The following CLASP2 variants were observed in gnomAD, a reference collection of about 807,000 sequenced individuals.
The protein encoded by CLASP2 is CLIP-associating protein 2.
CLASP2 carries 47 observed loss-of-function variants against 194.4 expected under a neutral mutation model. The observed-to-expected ratio is 0.24, with a 90% confidence interval of 0.19 to 0.31. The LOEUF (loss-of-function observed/expected upper bound fraction) is 0.31, where lower values mean the gene tolerates loss of function less well. Ranked by LOEUF, CLASP2 falls within the 10% of genes least tolerant of loss-of-function variation. The probability of loss-of-function intolerance (pLI) is 1.00; values close to 1 mark genes in which losing one functional copy is unlikely to be tolerated. For missense variants in CLASP2, 1,445 were observed against 1,823.6 expected (o/e 0.79, Z 3.78); for synonymous variants, 619 against 633.5 (o/e 0.98, Z 0.34).
intron 7 of CLASP2, among the ~76,000 whole-genome samples, chr3:33,658,101 A>G (rs1375781900): frequency 1.3e-5 from 2 of 152,198 alleles, no homozygotes; most frequent in Non-Finnish European, 2.9e-5. Context: ...GTAATGAAAA[A>G]AGAAAAAAAG....
At chr3:33,642,912 G>A (rs1436914192) in intron 8 of CLASP2, among the ~76,000 whole-genome samples, 1 of 151,726 alleles carries the variant, frequency 6.6e-6, no homozygotes, top group Non-Finnish European at 1.5e-5. Context: ...GGAGGAGGAA[G>A]AGGAAGAGAA....
At chr3:33,521,559 A>C (rs979189749) in intron 34 of CLASP2, among the ~76,000 whole-genome samples, 2 of 152,242 alleles carry the variant, frequency 1.3e-5, no homozygotes, top group Non-Finnish European at 2.9e-5. Context: ...AATAACTTCA[A>C]AAGTGTCATG....
intron 9 of CLASP2, among the ~76,000 whole-genome samples, chr3:33,628,439 AG>A (rs1329115390): frequency 1.3e-5 from 2 of 152,176 alleles, no homozygotes; most frequent in African/African-American, 4.8e-5. Context: ...TACTTCAGTG[AG>A]GGGGTACATA....
chr3:33,527,364 A>G (rs2054857888), intron 34 of CLASP2, among the ~76,000 whole-genome samples: 1 of 152,188 alleles, frequency 6.6e-6, no homozygotes, highest in African/African-American at 2.4e-5. Context: ...GAAAACCTAG[A>G]AGAGACAGAT....
intron 7 of CLASP2, among the ~76,000 whole-genome samples, chr3:33,655,854 C>G (rs189162188): frequency 6.6e-6 from 1 of 152,100 alleles, no homozygotes; most frequent in South Asian, 2.1e-4. Flanking sequence ...TTTAAAGACT[C>G]ATTTTTGGAA....
chr3:33,631,282 A>G (rs1202485586), intron 9 of CLASP2, among the ~76,000 whole-genome samples: 1 of 152,254 alleles, frequency 6.6e-6, no homozygotes, highest in Non-Finnish European at 1.5e-5. Flanking sequence ...TTTAACTGGT[A>G]AAACAACCCT....
In CLASP2 at chr3:33,639,401, G is replaced by A. The variant is rs142162713; in HGVS notation, c.862+5356C>T. Among the ~76,000 whole-genome samples the A allele has an allele frequency of 2.0e-3, 300 of 152,204 alleles. 1 individual carries two copies. Among genetic ancestry groups the A allele is most frequent in the African/African-American group, 7.0e-3 (292 of 41,524 alleles). On this transcript the variant is annotated intron_variant, in intron 8 of 38. Coordinates refer to ENST00000682230, the MANE Select transcript of CLASP2 (RefSeq NM_001365631.1). ...TAACGTGGAGCCTTGCACATAGTAA[G>A]CTCTATATACAAATGTAAATAGAAA... is the stretch of plus-strand genomic sequence containing the variant.
In CLASP2 at chr3:33,497,298, C is replaced by T. The variant is rs2045920830; in HGVS notation, c.*1333G>A. 6.6e-6 allele frequency: 1 copy of T among 152,354 alleles called. No individual in the cohort carries two copies. The highest frequency in any genetic ancestry group is 2.1e-4 in the South Asian group (1 of 4,804). The allele number at this position is 152,354 out of a possible 1,614,324, so 9.4% of individuals were successfully genotyped here. Reference sequence around the variant, plus strand: ...CTTCCCTAATAGCTATTTGCCTTTTCAATCAAATTCACTTTATATTAGGAT... The same window carrying T: ...CTTCCCTAATAGCTATTTGCCTTTTTAATCAAATTCACTTTATATTAGGAT... On this transcript the variant is annotated 3_prime_UTR_variant, in exon 39 of 39. Coordinates refer to ENST00000682230, the MANE Select transcript of CLASP2 (RefSeq NM_001365631.1).
At chr3:33,567,087 T>C (rs2062873158) in intron 26 of CLASP2, among the ~76,000 whole-genome samples, 1 of 152,318 alleles carries the variant, frequency 6.6e-6, no homozygotes, top group South Asian at 2.1e-4. Flanking sequence ...CTCCCACTTC[T>C]GAATGGGGCC....
At chr3:33,650,115 G>A (rs1376538064) in intron 7 of CLASP2, among the ~76,000 whole-genome samples, 1 of 152,154 alleles carries the variant, frequency 6.6e-6, no homozygotes, top group Non-Finnish European at 1.5e-5. Flanking sequence ...CAATAACTGA[G>A]CAAACTTGAC....
chr3:33,614,993 T>C (rs1008896975), intron 12 of CLASP2, among the ~76,000 whole-genome samples: 2 of 151,860 alleles, frequency 1.3e-5, no homozygotes, highest in African/African-American at 4.8e-5. Context: ...AACAACAAAA[T>C]TTGTGAAAGA....
chr3:33,630,441 G>A (rs2078874114), intron 9 of CLASP2, among the ~76,000 whole-genome samples: 1 of 152,086 alleles, frequency 6.6e-6, no homozygotes, highest in African/African-American at 2.4e-5. Flanking sequence ...TCATATAAAT[G>A]GGTATAGGAA....
chr3:33,594,971 A>C lies in CLASP2; in HGVS notation c.1949-3T>G. The C allele has an allele frequency of 7.0e-7, 1 of 1,429,198 alleles. No individual in the cohort carries two copies. The highest frequency in any genetic ancestry group is 9.3e-7 in the Non-Finnish European group (1 of 1,069,960). 88.5% of individuals were successfully genotyped at this position (1,429,198 alleles called of 1,614,324 possible). A position where few individuals can be genotyped will look rare whatever the true frequency, so the allele number is the denominator to read the frequency against. On this transcript the variant is annotated splice_region_variant and splice_polypyrimidine_tract_variant and intron_variant, in intron 19 of 38. Transcript: ENST00000682230. ...CTTACCATCTTCAGATGCTGTTCCT[A>C]AATAAGAAAAATAAAACAACATTTC...
At chr3:33,570,462 C>T (rs1017100534) in intron 26 of CLASP2, among the ~76,000 whole-genome samples, 23 of 152,184 alleles carry the variant, frequency 1.5e-4, no homozygotes, top group African/African-American at 5.5e-4. Flanking sequence ...CTTAGTAACA[C>T]AAAATACACC....
At chr3:33,689,993 A>AT in intron 2 of CLASP2, 61 bp from the exon 3 acceptor site, 1 of 1,098,936 alleles carries the variant, frequency 9.1e-7, no homozygotes, top group Non-Finnish European at 1.3e-6. Flanking sequence ...TAAAAACTAT[A>AT]TTTTTCAAAA....
At position 33,586,339 on chromosome 3, in the gene CLASP2, C is replaced by T. The variant is rs137954275; in HGVS notation, c.2069-1419G>A. 1.8e-3 allele frequency among the ~76,000 whole-genome samples: 279 copies of T among 152,070 alleles called. 1 individual carries two copies. The highest frequency in any genetic ancestry group is 3.0e-3 in the Non-Finnish European group (207 of 67,992). On this transcript the variant is annotated intron_variant, in intron 21 of 38. Coordinates refer to ENST00000682230, the MANE Select transcript of CLASP2 (RefSeq NM_001365631.1). ...TAGTAGAGACAGGATTTCACCATGT[C>T]GGCTAGGCTGGTCTCGAACTCCTGA...
intron 33 of CLASP2, among the ~76,000 whole-genome samples, chr3:33,537,608 T>C (rs1468094120): frequency 5.9e-5 from 9 of 152,172 alleles, no homozygotes; most frequent in Non-Finnish European, 1.0e-4. Context: ...GTCAATAATA[T>C]TAAATATGTA....
intron 7 of CLASP2, chr3:33,659,568 T>A (rs572414123): frequency 4.6e-6 from 1 of 218,588 alleles, no homozygotes; most frequent in South Asian, 1.6e-4. Flanking sequence ...CCAGTTTCCA[T>A]GATTAACTGC....
chr3:33,538,923 C>T lies in CLASP2; in HGVS notation c.3424G>A (p.Glu1142Lys). 6.3e-7 allele frequency: 1 copy of T among 1,580,838 alleles called. No individual in the cohort carries two copies. The highest frequency in any genetic ancestry group is 8.6e-7 in the Non-Finnish European group (1 of 1,166,928). The change falls in exon 33 of 39, where the codon GAA becomes AAA. Residue 1142 changes from glutamate to lysine, a missense_variant. Glu to Lys is a moderately conservative substitution (Grantham distance 56). Transcript: ENST00000682230. ...LSPSAFDYDT[E>K]NMNSEDIYSS... ...TAAATATCTTCAGAGTTCATATTTTCTGTGTCATAATCAAATGCACTATGA... is the reference window on the plus strand; with the variant it reads ...TAAATATCTTCAGAGTTCATATTTTTTGTGTCATAATCAAATGCACTATGA...
Sources: allele counts gnomAD v4.1 joint callset (sites outside exome capture counted in the v4.1 genomes callset), GRCh38; gene constraint gnomAD v4.1.1; transcripts MANE v1.5; gene names NCBI Gene and HGNC (gene_info 2026-07-23, HGNC 2026-07-21).